Variants in ARHGEF9 observed in about 807,000 individuals in gnomAD.
The protein encoded by ARHGEF9 is rho guanine nucleotide exchange factor 9.
A neutral mutation model predicts 41.3 loss-of-function variants in ARHGEF9; 2 were observed. The ratio of observed to expected loss-of-function variants is 0.05; its 90% CI spans 0.02 to 0.15. The LOEUF (loss-of-function observed/expected upper bound fraction) is 0.15. ARHGEF9 is among the 10% of genes least tolerant of loss of function. ARHGEF9 has a pLI of 1.00. For synonymous variants in ARHGEF9, 160 were observed against 154.4 expected, an observed-to-expected ratio of 1.04 and a Z score of -0.27; for missense variants, 225 against 424.7, an observed-to-expected ratio of 0.53 and a Z score of 4.13.
At chrX:63,736,583 G>C (rs1351949032) in intron 1 of ARHGEF9, among the ~76,000 whole-genome samples, 3 of 111,807 alleles carry the variant, frequency 2.7e-5, no homozygotes, top group African/African-American at 9.8e-5. Flanking sequence ...AGCTTCCTAA[G>C]GCATCAAGTT....
chrX:63,777,042 C>A (rs1556459008), intron 1 of ARHGEF9, among the ~76,000 whole-genome samples: 1 of 111,889 alleles, frequency 8.9e-6, no homozygotes, highest in Non-Finnish European at 1.9e-5. Flanking sequence ...CACCCCCTAT[C>A]TCCAGGAAGC....
Position 63,760,744 on chromosome X carries a change from G to A in ARHGEF9, c.30+24372C>T, listed in dbSNP as rs1345530744. Among the ~76,000 whole-genome samples, 15 of 111,516 alleles carry A rather than the reference G, an allele frequency of 1.3e-4. No individual in the cohort carries two copies. In the Admixed American group the frequency reaches 1.4e-3, roughly 11 times the overall value. ...GGAAACACCTACTCACCTACTTTGGGCCCACATGGTGCTAGGCCTTTTAAC... is the reference window on the plus strand; with the variant it reads ...GGAAACACCTACTCACCTACTTTGGACCCACATGGTGCTAGGCCTTTTAAC... On this transcript the variant is annotated intron_variant, in intron 1 of 9. Transcript: ENST00000671741.
At chrX:63,651,980 C>T (rs1196934115) in intron 8 of ARHGEF9, among the ~76,000 whole-genome samples, 1 of 110,733 alleles carries the variant, frequency 9.0e-6, no homozygotes, top group Non-Finnish European at 1.9e-5. Flanking sequence ...TAGATACTAT[C>T]CAGTGCTGGT....
chrX:63,778,222 A>T, intron 1 of ARHGEF9, among the ~76,000 whole-genome samples: 1 of 112,501 alleles, frequency 8.9e-6, no homozygotes. Context: ...CGCAGGCCCA[A>T]CATCATGTAT....
intron 1 of ARHGEF9, among the ~76,000 whole-genome samples, chrX:63,780,914 A>G (rs1270799645): frequency 6.3e-5 from 7 of 111,612 alleles, no homozygotes; most frequent in Non-Finnish European, 1.1e-4. Context: ...CTGGTACTAT[A>G]TGTTCCAGCA....
At chrX:63,665,064 T>C (rs1484675149) in intron 7 of ARHGEF9, among the ~76,000 whole-genome samples, 3 of 112,258 alleles carry the variant, frequency 2.7e-5, no homozygotes, top group African/African-American at 9.7e-5. Context: ...CTCTAAGCAT[T>C]CTGGTTTCTT....
intron 6 of ARHGEF9, among the ~76,000 whole-genome samples, chrX:63,669,012 C>T (rs112982814): frequency 0.014 from 1,626 of 112,251 alleles, 34 homozygotes; most frequent in African/African-American, 0.05. Flanking sequence ...ATGCTGCTAC[C>T]AACTCACTCT....
At chrX:63,644,328 G>T (rs1375308074) in intron 8 of ARHGEF9, 7 of 192,960 alleles carry the variant, frequency 3.6e-5, no homozygotes, top group Non-Finnish European at 5.6e-5. Context: ...TGTTAATGGA[G>T]AATCGTTAAA....
intron 1 of ARHGEF9, among the ~76,000 whole-genome samples, chrX:63,745,917 T>C (rs188464644): frequency 8.9e-6 from 1 of 112,112 alleles, no homozygotes; most frequent in African/African-American, 3.2e-5. Flanking sequence ...TCCATACCTG[T>C]CCCATGCCCA....
Position 63,644,027 on chromosome X carries a change from T to C in ARHGEF9, c.1343A>G (p.Gln448Arg). The C allele has an allele frequency of 2.5e-6, 3 of 1,211,093 alleles. No individual in the cohort carries two copies. The highest frequency in any genetic ancestry group is 3.4e-6 in the Non-Finnish European group (3 of 895,102). Reference protein sequence around the residue: ...EKIGFEISENQKRQAAMTVRK... With the variant: ...EKIGFEISENRKRQAAMTVRK... ...CACAGTCATTGCAGCCTGCCTCTTC[T>C]GGTTTTCAGAAATTTCAAAGCCTAA... The change falls in exon 9 of 10, where the codon CAG (glutamine) becomes CGG (arginine). Residue 448 changes from glutamine (Q) to arginine (R), a missense_variant. Transcript: ENST00000671741.
At chrX:63,777,087 A>T (rs1203161255) in intron 1 of ARHGEF9, among the ~76,000 whole-genome samples, 1 of 112,080 alleles carries the variant, frequency 8.9e-6, no homozygotes, top group Non-Finnish European at 1.9e-5. Context: ...AACTGCTAAT[A>T]AAGACATATC....
intron 4 of ARHGEF9, among the ~76,000 whole-genome samples, chrX:63,693,223 C>T (rs1333896415): frequency 1.8e-5 from 2 of 112,039 alleles, no homozygotes; most frequent in Non-Finnish European, 3.8e-5. Flanking sequence ...TAATTAATTG[C>T]TTGTTTCAAA....
At chrX:63,745,940 C>A (rs1345654135) in intron 1 of ARHGEF9, among the ~76,000 whole-genome samples, 1 of 111,960 alleles carries the variant, frequency 8.9e-6, no homozygotes, top group African/African-American at 3.3e-5. Context: ...TCAACCAGAC[C>A]ATCTGTGCTT....
rs5919592 is a variant in ARHGEF9 at position 63,663,065 on chromosome X, C to G, written c.1077+2821G>C. On this transcript the variant is annotated intron_variant, in intron 7 of 9. Transcript: ENST00000671741. Reference sequence around the variant, plus strand: ...AGAGCTGGTTGGCACAGAAGAGGGGCTCAATATCTATAGCATGAAAGAATT... The same window carrying G: ...AGAGCTGGTTGGCACAGAAGAGGGGGTCAATATCTATAGCATGAAAGAATT... Among the ~76,000 whole-genome samples, 679 of 111,665 alleles carry G rather than the reference C, an allele frequency of 6.1e-3. 5 individuals are homozygous for G. The highest frequency in any genetic ancestry group is 0.012 in the Admixed American group (131 of 10,497).
intron 4 of ARHGEF9, among the ~76,000 whole-genome samples, chrX:63,694,382 CAT>C (rs1329831426): frequency 8.9e-6 from 1 of 111,866 alleles, no homozygotes; most frequent in Non-Finnish European, 1.9e-5. Context: ...AAAATGAAAA[CAT>C]ATATTCTCAA....
chrX:63,644,511 G>A (rs560777756), intron 8 of ARHGEF9, among the ~76,000 whole-genome samples: 5 of 110,059 alleles, frequency 4.5e-5, no homozygotes, highest in East Asian at 2.9e-4. Context: ...CAAAACACTC[G>A]GTTAAGGGGA....
intron 1 of ARHGEF9, among the ~76,000 whole-genome samples, chrX:63,729,177 G>C (rs1556418867): frequency 9.0e-6 from 1 of 111,446 alleles, no homozygotes; most frequent in African/African-American, 3.3e-5. Flanking sequence ...TTAAATATGG[G>C]GGGCCAGCAG....
intron 4 of ARHGEF9, among the ~76,000 whole-genome samples, chrX:63,687,612 C>T (rs782130784): frequency 9.1e-6 from 1 of 110,104 alleles, no homozygotes; most frequent in South Asian, 3.9e-4. Flanking sequence ...CAGAAAATGC[C>T]AATGTAACAC....
intron 7 of ARHGEF9, among the ~76,000 whole-genome samples, chrX:63,665,334 A>C (rs782400048): frequency 6.2e-5 from 7 of 112,647 alleles, no homozygotes; most frequent in Non-Finnish European, 1.1e-4. Context: ...AGAGTGGAGA[A>C]GAGCACGGTT....
Sources: gnomAD v4.1 joint callset for allele counts (sites outside exome capture counted in the v4.1 genomes callset) on GRCh38, gnomAD v4.1.1 for gene constraint, MANE v1.5 for transcripts, NCBI Gene and HGNC (gene_info 2026-07-23, HGNC 2026-07-21) for gene names.